The following IL1RAPL2 variants were observed in gnomAD, a reference collection of about 807,000 sequenced individuals.
The protein encoded by IL1RAPL2 is interleukin 1 receptor accessory protein like 2.
IL1RAPL2 carries 3 observed loss-of-function variants against 44.1 expected under a neutral mutation model. The ratio of observed to expected loss-of-function variants is 0.07; its 90% CI spans 0.03 to 0.18. The LOEUF (loss-of-function observed/expected upper bound fraction) is 0.18. IL1RAPL2 is among the 10% of genes least tolerant of loss of function. The pLI is 1.00. For synonymous variants in IL1RAPL2, 181 were observed against 178.8 expected, an observed-to-expected ratio of 1.01 and a Z score of -0.10; for missense variants, 391 against 496.4, an observed-to-expected ratio of 0.79 and a Z score of 2.02.
chrX:105,368,923 G>C (rs1231749285), intron 5 of IL1RAPL2, among the ~76,000 whole-genome samples: 3 of 108,761 alleles, frequency 2.8e-5, no homozygotes, highest in African/African-American at 6.7e-5. Context: ...CCAGTGACCT[G>C]TCTTCCTGTC....
chrX:105,725,044 A>C (rs2038339377), intron 7 of IL1RAPL2, among the ~76,000 whole-genome samples: 1 of 111,724 alleles, frequency 9.0e-6, no homozygotes, highest in Non-Finnish European at 1.9e-5. Context: ...TAATTTAAAA[A>C]GTCAGAAAAA....
At chrX:104,983,829 T>C (rs757118762) in intron 2 of IL1RAPL2, among the ~76,000 whole-genome samples, 126 of 108,582 alleles carry the variant, frequency 1.2e-3, no homozygotes, top group African/African-American at 4.1e-3. Flanking sequence ...CCATTTTACT[T>C]GTTTCTAAAT....
chrX:104,579,790 A>G (rs186955005), intron 1 of IL1RAPL2, among the ~76,000 whole-genome samples: 122 of 112,051 alleles, frequency 1.1e-3, no homozygotes, highest in Non-Finnish European at 2.0e-3. Context: ...GACCAAAGTG[A>G]GGAGGACTAT....
Position 105,233,979 on chromosome X carries a change from A to G in IL1RAPL2, c.518A>G (p.Gln173Arg), listed in dbSNP as rs1244204349. 4 of 1,209,461 alleles carry G rather than the reference A, an allele frequency of 3.3e-6. No individual in the cohort carries two copies. Among genetic ancestry groups the G allele is most frequent in the Non-Finnish European group, 4.5e-6 (4 of 894,427 alleles). ...PDMDDFKKSD[Q>R]EPDVVWYKEC... ...ATGGATGACTTTAAAAAGTCCGATC[A>G]GGAGCCTGATGTTGTGTGGTATAAG... The change falls in exon 4 of 11, where the codon CAG (glutamine) becomes CGG (arginine). Residue 173 changes from glutamine (Q) to arginine (R), a missense_variant. Physicochemically the swap from Gln to Arg is conservative, Grantham distance 43 (BLOSUM62 1). Transcript: ENST00000372582.
intron 2 of IL1RAPL2, among the ~76,000 whole-genome samples, chrX:104,956,380 G>A (rs1461020712): frequency 9.0e-6 from 1 of 111,434 alleles, no homozygotes; most frequent in Non-Finnish European, 1.9e-5. Flanking sequence ...CCAGCACTTT[G>A]GGAGGCCAAG....
At chrX:105,449,167 G>A (rs1373331743) in intron 5 of IL1RAPL2, among the ~76,000 whole-genome samples, 1 of 111,369 alleles carries the variant, frequency 9.0e-6, no homozygotes, top group East Asian at 2.8e-4. Context: ...TTCACAGTCT[G>A]GGCTTTTTTT....
chrX:104,983,437 A>T (rs868261836), intron 2 of IL1RAPL2, among the ~76,000 whole-genome samples: 5 of 88,839 alleles, frequency 5.6e-5, no homozygotes, highest in Admixed American at 1.3e-4. Context: ...ATAATATATA[A>T]TAGATACATA....
At position 104,957,511 on chromosome X, in the gene IL1RAPL2, T is replaced by A. The variant is rs180909108; in HGVS notation, c.83-237964T>A. Reference sequence around the variant, plus strand: ...GCCTTTATGAACCCATTCCACCTGATTATAGTGTAATTGGATTTTGAGGGA... The same window carrying A: ...GCCTTTATGAACCCATTCCACCTGAATATAGTGTAATTGGATTTTGAGGGA... On this transcript the variant is annotated intron_variant, in intron 2 of 10. Coordinates refer to ENST00000372582, the MANE Select transcript of IL1RAPL2 (RefSeq NM_017416.2). Among the ~76,000 whole-genome samples, 5 of 111,305 alleles carry A rather than the reference T, an allele frequency of 4.5e-5. No individual in the cohort carries two copies. The East Asian group carries it at 1.4e-3, about 32-fold the overall frequency.
chrX:104,591,387 G>A (rs1163747767), intron 1 of IL1RAPL2, among the ~76,000 whole-genome samples: 6 of 111,528 alleles, frequency 5.4e-5, no homozygotes, highest in East Asian at 2.8e-4. Context: ...GCATGCATGT[G>A]TAATATACTA....
intron 5 of IL1RAPL2, among the ~76,000 whole-genome samples, chrX:105,308,021 T>A (rs2034765027): frequency 9.1e-6 from 1 of 110,454 alleles, no homozygotes; most frequent in African/African-American, 3.3e-5. Context: ...GCACTAGATG[T>A]CTGCATTCCA....
chrX:105,261,759 A>C (rs180690869), intron 4 of IL1RAPL2, among the ~76,000 whole-genome samples: 48 of 111,484 alleles, frequency 4.3e-4, no homozygotes, highest in African/African-American at 1.5e-3. Flanking sequence ...ATAAGATGTG[A>C]GTTGTGCAGT....
At chrX:105,676,259 C>A (rs1398463012) in intron 6 of IL1RAPL2, 4 of 111,974 alleles carry the variant, frequency 3.6e-5, no homozygotes, top group African/African-American at 1.3e-4. Flanking sequence ...AAGTAATGAG[C>A]TCATTTAAGA....
At chrX:104,809,928 G>A (rs750719591) in intron 2 of IL1RAPL2, among the ~76,000 whole-genome samples, 12 of 111,009 alleles carry the variant, frequency 1.1e-4, no homozygotes, top group Non-Finnish European at 2.1e-4. Flanking sequence ...ATACCCAAAG[G>A]ACTATAAATC....
At chrX:104,904,223 TTTTA>T (rs1923904827) in intron 2 of IL1RAPL2, among the ~76,000 whole-genome samples, 1 of 66,666 alleles carries the variant, frequency 1.5e-5, no homozygotes, top group African/African-American at 1.1e-4. Context: ...ACTTATCTTC[TTTTA>T]TATATATATA....
rs1418235033 is a variant in IL1RAPL2 at position 105,708,037 on chromosome X, T to G, written c.773-9330T>G. Among the ~76,000 whole-genome samples the G allele has an allele frequency of 2.7e-5, 3 of 111,309 alleles. No homozygotes were observed. The East Asian group carries it at 8.5e-4, about 32-fold the overall frequency. On this transcript the variant is annotated intron_variant, in intron 6 of 10. Coordinates refer to ENST00000372582, the MANE Select transcript of IL1RAPL2 (RefSeq NM_017416.2). ...ATTTGTCATCAAAGGAAATTAATAG[T>G]CTAAAAGAACCCTTATAATACTTCA... is the stretch of plus-strand genomic sequence containing the variant.
intron 5 of IL1RAPL2, among the ~76,000 whole-genome samples, chrX:105,325,172 A>C (rs1236277255): frequency 2.7e-5 from 3 of 111,131 alleles, no homozygotes; most frequent in Non-Finnish European, 5.7e-5. Context: ...CCTTCATCCC[A>C]AAAAGATCCC....
intron 2 of IL1RAPL2, among the ~76,000 whole-genome samples, chrX:104,946,878 G>A (rs376476155): frequency 2.1e-4 from 20 of 94,631 alleles, no homozygotes; most frequent in South Asian, 6.0e-4. Flanking sequence ...ATAAACATAC[G>A]TGTGCATGTG....
intron 2 of IL1RAPL2, among the ~76,000 whole-genome samples, chrX:105,073,558 C>G (rs1405272788): frequency 3.6e-5 from 4 of 110,585 alleles, no homozygotes; most frequent in Non-Finnish European, 7.6e-5. Context: ...GGGTATATAC[C>G]CTGTAATGGG....
At position 104,962,226 on chromosome X, in the gene IL1RAPL2, A is replaced by G. The variant is rs769775207; in HGVS notation, c.83-233249A>G. Among the ~76,000 whole-genome samples, 4 of 112,218 alleles carry G rather than the reference A, an allele frequency of 3.6e-5. No individual in the cohort carries two copies. In the South Asian group the frequency reaches 1.5e-3, roughly 41 times the overall value. On this transcript the variant is annotated intron_variant, in intron 2 of 10. Coordinates refer to ENST00000372582, the MANE Select transcript of IL1RAPL2 (RefSeq NM_017416.2). The stretch of plus-strand genomic sequence containing the variant: ...GTCTGTTTCCTAGTGTAGGCTCAAA[A>G]TGATTTTGAAGGTAAGTAAATATAC...
Sources: allele counts gnomAD v4.1 joint callset (sites outside exome capture counted in the v4.1 genomes callset), GRCh38; gene constraint gnomAD v4.1.1; transcripts MANE v1.5; gene names NCBI Gene and HGNC (gene_info 2026-07-23, HGNC 2026-07-21).